The following GREB1L variants were observed in gnomAD, a reference collection of about 807,000 sequenced individuals.
GREB1L encodes GREB1-like protein.
Under a neutral mutation model 200.8 loss-of-function variants are expected in GREB1L, and 17 were observed. That is an observed-to-expected ratio of 0.08 (90% confidence interval 0.06 to 0.13). GREB1L has a LOEUF of 0.13. GREB1L is among the 10% of genes least tolerant of loss of function. The pLI is 1.00. For synonymous variants in GREB1L, 789 were observed against 893.0 expected, an observed-to-expected ratio of 0.88 and a Z score of 2.08; for missense variants, 1,657 against 2,367.7, an observed-to-expected ratio of 0.70 and a Z score of 6.23.
chr18:21,417,849 C>T (rs1428040121), intron 7 of GREB1L, among the ~76,000 whole-genome samples: 3 of 151,764 alleles, frequency 2.0e-5, no homozygotes, highest in Non-Finnish European at 4.4e-5. Context: ...GGCGGGGTGG[C>T]GGGCACCTAT....
At chr18:21,335,334 C>A (rs2039168050) in intron 1 of GREB1L, among the ~76,000 whole-genome samples, 2 of 152,132 alleles carry the variant, frequency 1.3e-5, no homozygotes, top group Admixed American at 6.6e-5. Context: ...TTATTAATAG[C>A]ATATCATACC....
At chr18:21,374,165 A>G (rs1260987843) in intron 2 of GREB1L, among the ~76,000 whole-genome samples, 1 of 151,868 alleles carries the variant, frequency 6.6e-6, no homozygotes, top group African/African-American at 2.4e-5. Flanking sequence ...CCACATGCCC[A>G]GTTAATTTTT....
intron 1 of GREB1L, among the ~76,000 whole-genome samples, chr18:21,287,482 C>T (rs2038376500): frequency 6.6e-6 from 1 of 152,122 alleles, no homozygotes; most frequent in South Asian, 2.1e-4. Context: ...GAAAGAAGAT[C>T]ATCGGAAGAA....
chr18:21,275,881 A>G (rs1217350874), intron 1 of GREB1L, among the ~76,000 whole-genome samples: 1 of 152,158 alleles, frequency 6.6e-6, no homozygotes, highest in Non-Finnish European at 1.5e-5. Context: ...ACGGAGTTGA[A>G]TGTGACGTCG....
At chr18:21,429,041 A>G (rs1482764222) in intron 7 of GREB1L, among the ~76,000 whole-genome samples, 1 of 151,834 alleles carries the variant, frequency 6.6e-6, no homozygotes, top group African/African-American at 2.4e-5. Flanking sequence ...ATATGCTGCT[A>G]GATTGTATTT....
intron 19 of GREB1L, among the ~76,000 whole-genome samples, chr18:21,493,847 C>T (rs1236901404): frequency 1.5e-4 from 16 of 103,790 alleles, no homozygotes; most frequent in African/African-American, 5.7e-4. Flanking sequence ...GCCTGGGTGA[C>T]AGAGTGAGAC....
intron 1 of GREB1L, among the ~76,000 whole-genome samples, chr18:21,278,490 C>T (rs2038214188): frequency 1.3e-5 from 2 of 151,894 alleles, no homozygotes; most frequent in South Asian, 4.1e-4. Context: ...GAGAATTTTA[C>T]ATTTAACATT....
chr18:21,357,158 A>C (rs2039516093), intron 1 of GREB1L, among the ~76,000 whole-genome samples: 1 of 152,080 alleles, frequency 6.6e-6, no homozygotes, highest in Non-Finnish European at 1.5e-5. Context: ...GGGTTCAAGC[A>C]ATTCTTCTGC....
chr18:21,511,104 G>C (rs1388517102), intron 27 of GREB1L, among the ~76,000 whole-genome samples: 1 of 152,160 alleles, frequency 6.6e-6, no homozygotes, highest in Non-Finnish European at 1.5e-5. Flanking sequence ...GCCGGGTACA[G>C]TGGCTCACAC....
In GREB1L at chr18:21,416,031, C is replaced by G. The variant is rs114891857; in HGVS notation, c.832+12037C>G. On this transcript the variant is annotated intron_variant, in intron 7 of 32. Coordinates refer to ENST00000424526, the MANE Select transcript of GREB1L (RefSeq NM_001142966.3). ...TTAATCAATCAAAACCAGTGCAGAACTGACACGTTAGAGTCAGCAGAGAAA... is the reference window on the plus strand; with the variant it reads ...TTAATCAATCAAAACCAGTGCAGAAGTGACACGTTAGAGTCAGCAGAGAAA... Among the ~76,000 whole-genome samples, 640 of 152,198 alleles carry G rather than the reference C, an allele frequency of 4.2e-3. 7 individuals carry two copies. Among genetic ancestry groups the G allele is most frequent in the African/African-American group, 0.014 (594 of 41,514 alleles).
chr18:21,312,418 G>A (rs975523258), intron 1 of GREB1L, among the ~76,000 whole-genome samples: 2 of 151,962 alleles, frequency 1.3e-5, no homozygotes, highest in Non-Finnish European at 2.9e-5. Context: ...TTTCCACAGT[G>A]GTCGAAGTAA....
intron 7 of GREB1L, among the ~76,000 whole-genome samples, chr18:21,417,260 G>A (rs753168837): frequency 1.3e-5 from 2 of 151,578 alleles, no homozygotes; most frequent in Admixed American, 1.3e-4. Flanking sequence ...GGTGGCTCAC[G>A]CCTGTAATCC....
intron 7 of GREB1L, among the ~76,000 whole-genome samples, chr18:21,438,822 A>G (rs548080737): frequency 3.3e-5 from 5 of 151,072 alleles, no homozygotes; most frequent in Admixed American, 6.6e-5. Flanking sequence ...TTAGCCGGGC[A>G]TGGTGGTGGG....
intron 2 of GREB1L, among the ~76,000 whole-genome samples, chr18:21,379,238 C>T (rs2040203275): frequency 6.6e-6 from 1 of 152,048 alleles, no homozygotes; most frequent in South Asian, 2.1e-4. Context: ...AGGAGTTTCG[C>T]TCTTGTTGCC....
chr18:21,268,393 A>T (rs1598616762), intron 1 of GREB1L, among the ~76,000 whole-genome samples: 1 of 150,696 alleles, frequency 6.6e-6, no homozygotes, highest in African/African-American at 2.4e-5. Flanking sequence ...CGTAGGTGGG[A>T]ATCATAGTTC....
At chr18:21,312,377 T>C (rs2038805192) in intron 1 of GREB1L, among the ~76,000 whole-genome samples, 1 of 152,168 alleles carries the variant, frequency 6.6e-6, no homozygotes, top group Admixed American at 6.5e-5. Flanking sequence ...GCAGTTCTGT[T>C]TTTAGCTGTT....
At chr18:21,332,705 C>T (rs2039123644) in intron 1 of GREB1L, among the ~76,000 whole-genome samples, 1 of 152,022 alleles carries the variant, frequency 6.6e-6, no homozygotes, top group African/African-American at 2.4e-5. Flanking sequence ...GAACTCCTGA[C>T]CTCAAGTGAT....
At chr18:21,390,076 G>T (rs2040731964) in intron 4 of GREB1L, among the ~76,000 whole-genome samples, 1 of 152,130 alleles carries the variant, frequency 6.6e-6, no homozygotes, top group African/African-American at 2.4e-5. Context: ...AAAAATGTCT[G>T]TTGCCTGATG....
chr18:21,279,662 G>A (rs2038233934), intron 1 of GREB1L, among the ~76,000 whole-genome samples: 1 of 151,872 alleles, frequency 6.6e-6, no homozygotes, highest in Admixed American at 6.6e-5. Flanking sequence ...TTTAAGAGGT[G>A]GGGTCTTGCT....
Sources: gnomAD v4.1 joint callset for allele counts (sites outside exome capture counted in the v4.1 genomes callset) on GRCh38, gnomAD v4.1.1 for gene constraint, MANE v1.5 for transcripts, NCBI Gene and HGNC (gene_info 2026-07-23, HGNC 2026-07-21) for gene names.